The following CSMD2 variants were observed in gnomAD, a reference collection of about 807,000 sequenced individuals.
CSMD2 encodes CUB and sushi domain-containing protein 2.
In CSMD2, 130 loss-of-function variants were observed where a neutral mutation model predicts 398.5. The ratio of observed to expected loss-of-function variants is 0.33; its 90% CI spans 0.28 to 0.38. The LOEUF (loss-of-function observed/expected upper bound fraction) is 0.38. CSMD2 is among the 10% of genes least tolerant of loss of function. The pLI is 1.00. For synonymous variants in CSMD2, 1,828 were observed against 1,908.5 expected (o/e 0.96, Z 1.10); for missense variants, 3,829 against 4,764.9 (o/e 0.80, Z 5.78).
chr1:33,709,546 A>T (rs1645915183), intron 21 of CSMD2: 1 of 479,150 alleles, frequency 2.1e-6, no homozygotes, highest in African/African-American at 1.9e-5. Context: ...ATCCTTTACA[A>T]TTTCTCAGTG....
chr1:33,909,054 G>A (rs1289822040), intron 5 of CSMD2, among the ~76,000 whole-genome samples: 1 of 152,182 alleles, frequency 6.6e-6, no homozygotes, highest in Non-Finnish European at 1.5e-5. Flanking sequence ...GTTAGAATGG[G>A]CCTTATTCGC....
rs549153563 is a variant in CSMD2, at chr1:33,927,033, C to T, written c.712+8727G>A. Among the ~76,000 whole-genome samples, 184 of 152,296 alleles carry T rather than the reference C, an allele frequency of 1.2e-3. 1 individual carries two copies. The highest frequency in any genetic ancestry group is 2.3e-3 in the South Asian group (11 of 4,822). On this transcript the variant is annotated intron_variant, in intron 4 of 70. Transcript: ENST00000373381. ...TCTGTTCATATCATCTTCCCCAGGA[C>T]CCCTCAGCCTCTGTGGAAATGAAGA...
In CSMD2 at chr1:33,907,766, A is replaced by G. The variant is rs550231656; in HGVS notation, c.920+10328T>C. 3.9e-5 allele frequency among the ~76,000 whole-genome samples: 6 copies of G among 152,260 alleles called. No individual in the cohort carries two copies. In the East Asian group the frequency reaches 9.7e-4, roughly 25 times the overall value. ...CTGTCATTGCTAGTTTTTTGTGTGA[A>G]TCCTGCCTCTCTGGTGAGTCTGTGG... is the stretch of plus-strand genomic sequence containing the variant. On this transcript the variant is annotated intron_variant, in intron 5 of 70. Coordinates refer to ENST00000373381, the MANE Select transcript of CSMD2 (RefSeq NM_001281956.2).
intron 3 of CSMD2, among the ~76,000 whole-genome samples, chr1:34,005,294 ATGGG>A (rs1647022601): frequency 6.6e-6 from 1 of 152,188 alleles, no homozygotes; most frequent in Admixed American, 6.5e-5. Flanking sequence ...TAGGCATTTT[ATGGG>A]TGCATCTGTG....
At chr1:33,745,450 A>G (rs1373052241) in intron 13 of CSMD2, among the ~76,000 whole-genome samples, 1 of 152,234 alleles carries the variant, frequency 6.6e-6, no homozygotes, top group Non-Finnish European at 1.5e-5. Context: ...AATTAAATTG[A>G]TATTTAAGTG....
chr1:34,067,403 T>TG (rs932683307), intron 2 of CSMD2, among the ~76,000 whole-genome samples: 2 of 152,132 alleles, frequency 1.3e-5, no homozygotes, highest in African/African-American at 4.8e-5. Flanking sequence ...CTGGATTAGG[T>TG]GGGGGGTGCA....
chr1:34,122,255 C>T (rs1306934646), intron 1 of CSMD2, among the ~76,000 whole-genome samples: 2 of 152,094 alleles, frequency 1.3e-5, no homozygotes, highest in African/African-American at 2.4e-5. Flanking sequence ...AGAACAGTGT[C>T]CAGCCCAAAA....
chr1:33,991,946 T>A (rs9425976), intron 3 of CSMD2, among the ~76,000 whole-genome samples: 18,333 of 146,954 alleles, frequency 0.12, 1,847 homozygotes, highest in East Asian at 0.43. Context: ...GAAAAAAAAA[T>A]CACAAACACA....
At chr1:33,623,526 G>T in intron 35 of CSMD2, 60 bp from the exon 36 acceptor site, 1 of 1,224,118 alleles carries the variant, frequency 8.2e-7, no homozygotes, top group Non-Finnish European at 1.2e-6. Context: ...CTCCTTCTCT[G>T]CTTTCCCTTT....
chr1:33,816,639 G>A (rs1657493181), intron 9 of CSMD2, among the ~76,000 whole-genome samples: 1 of 152,172 alleles, frequency 6.6e-6, no homozygotes, highest in East Asian at 1.9e-4. Context: ...TAGTTTAACA[G>A]TGTTTCACAT....
chr1:33,607,709 T>C (rs1640714741), intron 41 of CSMD2, among the ~76,000 whole-genome samples: 2 of 152,162 alleles, frequency 1.3e-5, no homozygotes, highest in African/African-American at 4.8e-5. Flanking sequence ...CCCGGCACCA[T>C]GTGTGGCTCC....
At chr1:33,643,790 A>G (rs1176578469) in intron 29 of CSMD2, among the ~76,000 whole-genome samples, 2 of 152,108 alleles carry the variant, frequency 1.3e-5, no homozygotes, top group East Asian at 1.9e-4. Context: ...ACCAGAGGGT[A>G]AGGTAGGGGT....
At chr1:33,706,834 GTGTGTGCGTGTGTGCAT>G (rs747467454) in intron 22 of CSMD2, among the ~76,000 whole-genome samples, 106 of 151,896 alleles carry the variant, frequency 7.0e-4, no homozygotes, top group Middle Eastern at 3.4e-3. Context: ...GTGTGTATGT[GTGTGTGCGTGTGTGCAT>G]TGTGTGCGTG....
At chr1:33,891,676 T>G (rs1038084632) in intron 5 of CSMD2, among the ~76,000 whole-genome samples, 1 of 151,718 alleles carries the variant, frequency 6.6e-6, no homozygotes, top group Non-Finnish European at 1.5e-5. Context: ...TAGAGTGGAT[T>G]AAGAAAATGT....
intron 3 of CSMD2, among the ~76,000 whole-genome samples, chr1:34,016,943 A>C (rs1324435479): frequency 6.6e-6 from 1 of 152,204 alleles, no homozygotes; most frequent in Middle Eastern, 3.2e-3. Flanking sequence ...ACATATAAAC[A>C]ATTCAGAAAT....
intron 3 of CSMD2, among the ~76,000 whole-genome samples, chr1:33,959,886 C>T (rs1645294022): frequency 6.6e-6 from 1 of 152,204 alleles, no homozygotes; most frequent in African/African-American, 2.4e-5. Flanking sequence ...CTGGCTGTCT[C>T]CACACCAGAA....
chr1:33,777,506 G>A (rs974830040), intron 12 of CSMD2, among the ~76,000 whole-genome samples: 1 of 152,224 alleles, frequency 6.6e-6, no homozygotes, highest in Non-Finnish European at 1.5e-5. Context: ...TGCCCTGCCT[G>A]AAAGGTGTTT....
At chr1:34,150,956 C>T (rs1294057856) in intron 1 of CSMD2, among the ~76,000 whole-genome samples, 1 of 152,020 alleles carries the variant, frequency 6.6e-6, no homozygotes, top group Non-Finnish European at 1.5e-5. Context: ...GGACAGCTTC[C>T]ACAAGGAAGA....
At chr1:33,668,156 G>A (rs1237806749) in intron 25 of CSMD2, among the ~76,000 whole-genome samples, 1 of 152,174 alleles carries the variant, frequency 6.6e-6, no homozygotes, top group South Asian at 2.1e-4. Context: ...CATGTGCAAA[G>A]GTCACAATGG....
Sources: allele counts gnomAD v4.1 joint callset (sites outside exome capture counted in the v4.1 genomes callset), GRCh38; gene constraint gnomAD v4.1.1; transcripts MANE v1.5; gene names NCBI Gene and HGNC (gene_info 2026-07-23, HGNC 2026-07-21).